The following CCDC15 variants were observed in gnomAD, a reference collection of about 807,000 sequenced individuals.
CCDC15 encodes the protein coiled-coil domain containing 15.
A neutral mutation model predicts 114.5 loss-of-function variants in CCDC15; 105 were observed. The ratio of observed to expected loss-of-function variants is 0.92; its 90% CI spans 0.78 to 1.08. The LOEUF (loss-of-function observed/expected upper bound fraction) is 1.08. Ranked by LOEUF, CCDC15 falls within the 50% of genes least tolerant of loss-of-function variation. The probability of loss-of-function intolerance (pLI) is 0.00; values close to 1 mark genes in which losing one functional copy is unlikely to be tolerated. For synonymous variants in CCDC15, 334 were observed against 377.8 expected, an observed-to-expected ratio of 0.88 and a Z score of 1.34; for missense variants, 1,105 against 1,093.6, an observed-to-expected ratio of 1.01 and a Z score of -0.15.
chr11:124,989,611 G>T (rs1023524328), intron 8 of CCDC15, among the ~76,000 whole-genome samples: 14 of 152,316 alleles, frequency 9.2e-5, no homozygotes, highest in Non-Finnish European at 1.3e-4. Flanking sequence ...CTGAAAATCT[G>T]TTGTCCAGTG....
chr11:125,012,099 A>G (rs1352015494), intron 13 of CCDC15, among the ~76,000 whole-genome samples: 1 of 152,216 alleles, frequency 6.6e-6, no homozygotes, highest in Non-Finnish European at 1.5e-5. Flanking sequence ...TCTGAGGAAG[A>G]CAAAGGTGGG....
chr11:125,039,204 T>C (rs1948798917), intron 15 of CCDC15, 135 bp downstream of exon 15: 1 of 709,876 alleles, frequency 1.4e-6, no homozygotes, highest in African/African-American at 1.8e-5. Context: ...ACAAAATAAC[T>C]ATATGAGGCA....
chr11:124,989,418 C>T (rs1008372725), intron 8 of CCDC15, among the ~76,000 whole-genome samples: 4 of 152,284 alleles, frequency 2.6e-5, no homozygotes, highest in Non-Finnish European at 4.4e-5. Flanking sequence ...GCCATTCTTA[C>T]GGGTCCTAGG....
intron 13 of CCDC15, among the ~76,000 whole-genome samples, chr11:125,030,153 G>A (rs1271371787): frequency 6.6e-6 from 1 of 152,194 alleles, no homozygotes; most frequent in African/African-American, 2.4e-5. Flanking sequence ...GTGATGGTGA[G>A]TGGTGCTACT....
intron 8 of CCDC15, 115 bp downstream of exon 8, chr11:124,988,249 C>A: frequency 9.1e-7 from 1 of 1,097,128 alleles, no homozygotes; most frequent in African/African-American, 1.6e-5. Context: ...CAGTTCCAGG[C>A]CATTGCAATA....
intron 8 of CCDC15, among the ~76,000 whole-genome samples, chr11:124,990,590 T>A (rs1036042412): frequency 6.6e-6 from 1 of 152,244 alleles, no homozygotes; most frequent in Non-Finnish European, 1.5e-5. Context: ...GTTTCTTGAT[T>A]GATTTCTCAA....
chr11:125,038,803 A>G (rs913383515), intron 14 of CCDC15, 118 bp from the exon 15 acceptor site: 1 of 1,301,458 alleles, frequency 7.7e-7, no homozygotes, highest in Non-Finnish European at 1.1e-6. Context: ...CAAAGAGGAA[A>G]TGTCAAGGCC....
chr11:124,987,315 T>C lies in CCDC15; in HGVS notation c.1089T>C (p.Val363=). 1 of 1,613,004 alleles carries C rather than the reference T, an allele frequency of 6.2e-7. No individual in the cohort carries two copies. The highest frequency in any genetic ancestry group is 8.5e-7 in the Non-Finnish European group (1 of 1,179,540). ...IQSVKPDTQA[V]EMKVQVTEPE... is the part of the protein sequence containing the mutation. ...GTGTTAAGCCAGATACCCAGGCTGT[T>C]GAAATGAAGGTTCAGGTTACTGAGC... Residue 363 remains valine (V), a synonymous_variant, in exon 8 of 16, where the codon GTT becomes GTC. Transcript: ENST00000344762.
intron 12 of CCDC15, 121 bp from the exon 13 acceptor site, chr11:125,004,988 C>T: frequency 1.9e-6 from 1 of 528,682 alleles, no homozygotes; most frequent in East Asian, 3.2e-5. Flanking sequence ...AATCATGTAA[C>T]TTCTATATCA....
intron 5 of CCDC15, 54 bp downstream of exon 5, chr11:124,975,263 A>C: frequency 9.3e-7 from 1 of 1,078,754 alleles, no homozygotes; most frequent in East Asian, 2.8e-5. Context: ...AAATACAGAT[A>C]AAGATTTACT....
intron 11 of CCDC15, among the ~76,000 whole-genome samples, chr11:124,999,187 C>G (rs765975394): frequency 1.5e-4 from 23 of 152,070 alleles, no homozygotes; most frequent in Non-Finnish European, 2.6e-4. Flanking sequence ...TGGCTACTTT[C>G]AAAACTCTTG....
chr11:125,001,719 A>G (rs944665335), intron 11 of CCDC15, among the ~76,000 whole-genome samples: 3 of 152,250 alleles, frequency 2.0e-5, no homozygotes, highest in African/African-American at 7.2e-5. Context: ...TTGATGTAGC[A>G]TATAGCAGTA....
chr11:125,011,776 T>TAA (rs36028883), intron 13 of CCDC15, among the ~76,000 whole-genome samples: 2 of 152,094 alleles, frequency 1.3e-5, no homozygotes, highest in East Asian at 1.9e-4. Context: ...TAAGCTGAGC[T>TAA]AAAAAACTGT....
rs557493879 is a variant in CCDC15 at position 124,987,330 on chromosome 11, G to T, written c.1104G>T (p.Gln368His). 1.2e-6 allele frequency: 2 copies of T among 1,613,822 alleles called. No individual in the cohort carries two copies. The highest frequency in any genetic ancestry group is 8.5e-7 in the Non-Finnish European group (1 of 1,179,844). Residue 368 changes from glutamine to histidine, a missense_variant, in exon 8 of 16, where the codon CAG (glutamine) becomes CAT (histidine). By Grantham distance (24) the Gln-to-His change is conservative (BLOSUM62 0). Coordinates refer to ENST00000344762, the MANE Select transcript of CCDC15 (RefSeq NM_025004.3). The stretch of plus-strand genomic sequence containing the variant: ...CCCAGGCTGTTGAAATGAAGGTTCA[G>T]GTTACTGAGCCAGAAGGCCAGGCCA... ...PDTQAVEMKV[Q>H]VTEPEGQAIE...
At chr11:125,039,100 A>C (rs182475465) in intron 15 of CCDC15, 31 bp downstream of exon 15, 3 of 1,537,066 alleles carry the variant, frequency 2.0e-6, no homozygotes. Context: ...GTCAGGGCCT[A>C]ATGGCAACAA....
At chr11:124,969,367 C>A (rs1947840967) in intron 4 of CCDC15, among the ~76,000 whole-genome samples, 1 of 152,084 alleles carries the variant, frequency 6.6e-6, no homozygotes, top group Admixed American at 6.6e-5. Context: ...TTCATTAGGA[C>A]TGATATTTAT....
chr11:125,034,219 C>G (rs1169368815), intron 13 of CCDC15, among the ~76,000 whole-genome samples: 2 of 152,152 alleles, frequency 1.3e-5, no homozygotes, highest in Non-Finnish European at 2.9e-5. Context: ...AAAGCTGTTT[C>G]TTCCGGCAAA....
At chr11:124,978,389 T>C (rs1948011169) in intron 6 of CCDC15, among the ~76,000 whole-genome samples, 1 of 152,216 alleles carries the variant, frequency 6.6e-6, no homozygotes, top group African/African-American at 2.4e-5. Context: ...ATAATGGGAT[T>C]GCTGGGTTGA....
intron 6 of CCDC15, among the ~76,000 whole-genome samples, 156 bp from the exon 7 acceptor site, chr11:124,986,586 A>G (rs1389180561): frequency 1.3e-5 from 2 of 152,174 alleles, no homozygotes; most frequent in African/African-American, 4.8e-5. Flanking sequence ...ATGCTGACCT[A>G]CTAAAATTAT....
Sources: allele counts gnomAD v4.1 joint callset (sites outside exome capture counted in the v4.1 genomes callset), GRCh38; gene constraint gnomAD v4.1.1; transcripts MANE v1.5; gene names NCBI Gene and HGNC (gene_info 2026-07-23, HGNC 2026-07-21).